Variants in KCNAB1 observed in about 807,000 individuals in gnomAD.
KCNAB1 encodes the protein voltage-gated potassium channel subunit beta-1.
KCNAB1 carries 35 observed loss-of-function variants against 64.6 expected under a neutral mutation model. That is an observed-to-expected ratio of 0.54 (90% CI 0.41 to 0.72). The LOEUF (loss-of-function observed/expected upper bound fraction) is 0.72. KCNAB1 is among the 30% of genes least tolerant of loss of function. The pLI is 0.00. For missense variants in KCNAB1, 401 were observed against 512.9 expected, an observed-to-expected ratio of 0.78 and a Z score of 2.11; for synonymous variants, 177 against 183.8, an observed-to-expected ratio of 0.96 and a Z score of 0.30.
chr3:156,152,222 C>G (rs1259675508), intron 1 of KCNAB1, among the ~76,000 whole-genome samples: 1 of 152,184 alleles, frequency 6.6e-6, no homozygotes, highest in African/African-American at 2.4e-5. Context: ...AGCACATCCC[C>G]TGAGGGTGGG....
At chr3:156,329,617 G>A (rs1257759048) in intron 1 of KCNAB1, among the ~76,000 whole-genome samples, 2 of 152,108 alleles carry the variant, frequency 1.3e-5, no homozygotes, top group Non-Finnish European at 2.9e-5. Flanking sequence ...AGGAGTGAGG[G>A]AGGACAGCTA....
At chr3:156,504,751 G>GTTTTTTTTT (rs71302274) in intron 8 of KCNAB1, among the ~76,000 whole-genome samples, 2 of 132,752 alleles carry the variant, frequency 1.5e-5, no homozygotes, top group African/African-American at 5.5e-5. Context: ...TGTTTTTTTT[G>GTTTTTTTTT]TTTTTTTTTT....
chr3:156,291,579 C>T (rs1560177836), intron 1 of KCNAB1: 22 of 1,220,820 alleles, frequency 1.8e-5, no homozygotes, highest in Non-Finnish European at 2.3e-5. Flanking sequence ...AAAACCTCCC[C>T]CACTGCATGG....
At position 156,254,490 on chromosome 3, in the gene KCNAB1, C is replaced by T. The variant is rs187080822; in HGVS notation, c.275+133604C>T. On this transcript the variant is annotated intron_variant, in intron 1 of 13. Coordinates refer to ENST00000490337, the MANE Select transcript of KCNAB1 (RefSeq NM_172160.3). ...AGGGCCCCCAGAGTTGGGTTTGTAGCTGCCCAATGGCCACTGCTCAGACCA... is the reference window on the plus strand; with the variant it reads ...AGGGCCCCCAGAGTTGGGTTTGTAGTTGCCCAATGGCCACTGCTCAGACCA... Among the ~76,000 whole-genome samples the T allele has an allele frequency of 1.5e-3, 229 of 152,354 alleles. 2 individuals carry two copies. Among genetic ancestry groups the T allele is most frequent in the South Asian group, 3.5e-3 (17 of 4,832 alleles).
intron 1 of KCNAB1, among the ~76,000 whole-genome samples, chr3:156,343,315 G>A (rs12496565): frequency 6.5e-4 from 99 of 152,338 alleles, no homozygotes; most frequent in African/African-American, 2.3e-3. Context: ...CAGCTCCCAG[G>A]TGATGCTGTT....
chr3:156,143,365 G>T (rs779782736), intron 1 of KCNAB1: 4 of 1,609,492 alleles, frequency 2.5e-6, no homozygotes, highest in Non-Finnish European at 3.4e-6. Context: ...GTTTCTACGT[G>T]TTCATGGAAT....
intron 1 of KCNAB1, among the ~76,000 whole-genome samples, chr3:156,156,401 T>C (rs1342496236): frequency 6.6e-6 from 1 of 152,188 alleles, no homozygotes; most frequent in East Asian, 1.9e-4. Context: ...AAAAGGATTG[T>C]CTGAATGCTA....
At position 156,176,277 on chromosome 3, in the gene KCNAB1, A is replaced by G. The variant is rs971957569; in HGVS notation, c.275+55391A>G. On this transcript the variant is annotated intron_variant, in intron 1 of 13. Transcript: ENST00000490337. ...GGCACAGGTCCCAGACCTTGATATC[A>G]TTGTCTATTCCACCAGAAATAATCT... is the stretch of plus-strand genomic sequence containing the variant. The G allele has an allele frequency of 6.2e-6, 6 of 962,768 alleles. No homozygotes were observed. The African/African-American group carries it at 9.6e-5, about 15-fold the overall frequency. 59.6% of individuals were successfully genotyped at this position (962,768 alleles called of 1,614,324 possible). A position where few individuals can be genotyped will look rare whatever the true frequency, so the allele number is the denominator to read the frequency against.
chr3:156,241,039 C>T (rs1016271893), intron 1 of KCNAB1, among the ~76,000 whole-genome samples: 3 of 152,184 alleles, frequency 2.0e-5, no homozygotes, highest in African/African-American at 7.2e-5. Context: ...CTATCAGCCA[C>T]TTACTGAAGG....
chr3:156,157,639 G>A (rs1715799924), intron 1 of KCNAB1, among the ~76,000 whole-genome samples: 1 of 152,112 alleles, frequency 6.6e-6, no homozygotes, highest in South Asian at 2.1e-4. Context: ...CTTGAGGTGT[G>A]TATGCGTATG....
intron 1 of KCNAB1, among the ~76,000 whole-genome samples, chr3:156,241,345 A>G (rs1267639832): frequency 6.6e-6 from 1 of 152,306 alleles, no homozygotes; most frequent in African/African-American, 2.4e-5. Context: ...TAATCATATC[A>G]GGTAATTTGC....
In KCNAB1 at chr3:156,338,303, C is replaced by CTTTTTTTTTTTTTTTTTTTTTTTTTTTTT. The variant is rs34671816; in HGVS notation, c.276-83286_276-83285insTTTTTTTTTTTTTTTTTTTTTTTTTTTTT. On this transcript the variant is annotated intron_variant, in intron 1 of 13. Transcript: ENST00000490337. ...TCTTATACTTTCTTTGGCATTTGCA[C>CTTTTTTTTTTTTTTTTTTTTTTTTTTTTT]TTTTTTTTTTTTTTTTTTTTTTTTT... is the stretch of plus-strand genomic sequence containing the variant. Among the ~76,000 whole-genome samples the CTTTTTTTTTTTTTTTTTTTTTTTTTTTTT allele has an allele frequency of 2.3e-4, 9 of 39,498 alleles. 2 individuals are homozygous for CTTTTTTTTTTTTTTTTTTTTTTTTTTTTT. Among genetic ancestry groups the CTTTTTTTTTTTTTTTTTTTTTTTTTTTTT allele is most frequent in the East Asian group, 8.5e-4 (1 of 1,174 alleles). 25.9% of individuals were successfully genotyped at this position (39,498 alleles called of 152,430 possible).
Position 156,355,013 on chromosome 3 carries a change from G to A in KCNAB1, c.276-66603G>A, listed in dbSNP as rs140913909. On this transcript the variant is annotated intron_variant, in intron 1 of 13. Coordinates refer to ENST00000490337, the MANE Select transcript of KCNAB1 (RefSeq NM_172160.3). ...AGTGTCAGATCAGAGAAAGATTGAAGGCATTCCTAATTAGTTGCCTTGGGA... is the reference window on the plus strand; with the variant it reads ...AGTGTCAGATCAGAGAAAGATTGAAAGCATTCCTAATTAGTTGCCTTGGGA... 4.8e-3 allele frequency among the ~76,000 whole-genome samples: 734 copies of A among 152,266 alleles called. 25 individuals carry two copies. The South Asian group carries it at 0.097, about 20-fold the overall frequency.
chr3:156,143,586 T>G (rs1222605481), intron 1 of KCNAB1, among the ~76,000 whole-genome samples: 6 of 148,618 alleles, frequency 4.0e-5, no homozygotes, highest in Admixed American at 4.0e-4. Context: ...TTTTTTTTTT[T>G]TTTTTTTTTT....
chr3:156,310,585 C>G (rs563798106), intron 1 of KCNAB1, among the ~76,000 whole-genome samples: 2 of 152,094 alleles, frequency 1.3e-5, no homozygotes, highest in Non-Finnish European at 2.9e-5. Context: ...GGGCAGATCA[C>G]GAGGTCAGGA....
rs1722007557 is a variant in KCNAB1, at chr3:156,312,731, A to AAAAAAAAAAAAAAAAC, written c.276-108885_276-108884insAAAAAAAAAAAAAAAC. Among the ~76,000 whole-genome samples the AAAAAAAAAAAAAAAAC allele has an allele frequency of 3.9e-4, 56 of 144,606 alleles. 2 individuals are homozygous for AAAAAAAAAAAAAAAAC. The highest frequency in any genetic ancestry group is 1.4e-3 in the African/African-American group (53 of 37,160). 94.9% of individuals were successfully genotyped at this position (144,606 alleles called of 152,430 possible). On this transcript the variant is annotated intron_variant, in intron 1 of 13. Coordinates refer to ENST00000490337, the MANE Select transcript of KCNAB1 (RefSeq NM_172160.3). ...AAAAAAAAAAAAAAAAAAAAAAAAA[A>AAAAAAAAAAAAAAAAC]CTCATAATAATGAAATTAGTTCTAT...
At chr3:156,421,551 C>T (rs924325679) in intron 1 of KCNAB1, 65 bp from the exon 2 acceptor site, 1 of 1,495,750 alleles carries the variant, frequency 6.7e-7, no homozygotes, top group Non-Finnish European at 9.3e-7. Context: ...ATACAATATC[C>T]ACTTATGCAT....
intron 1 of KCNAB1, among the ~76,000 whole-genome samples, chr3:156,300,685 A>G (rs945749717): frequency 2.0e-5 from 3 of 152,210 alleles, no homozygotes; most frequent in African/African-American, 7.2e-5. Context: ...ATTAAAAAAA[A>G]ATCCTAACCT....
chr3:156,335,269 C>T (rs1723609785), intron 1 of KCNAB1, among the ~76,000 whole-genome samples: 1 of 152,216 alleles, frequency 6.6e-6, no homozygotes, highest in South Asian at 2.1e-4. Context: ...AGAGCCTACT[C>T]CAGCTTCCTC....
Sources: gnomAD v4.1 joint callset for allele counts (sites outside exome capture counted in the v4.1 genomes callset) on GRCh38, gnomAD v4.1.1 for gene constraint, MANE v1.5 for transcripts, NCBI Gene and HGNC (gene_info 2026-07-23, HGNC 2026-07-21) for gene names.